Variants in TMIGD3 observed in about 807,000 individuals in gnomAD.
The protein encoded by TMIGD3 is AD026 protein (AD026).
TMIGD3 carries 21 observed loss-of-function variants against 28.1 expected under a neutral mutation model. The observed-to-expected ratio is 0.75, with a 90% confidence interval of 0.53 to 1.08. The LOEUF (loss-of-function observed/expected upper bound fraction) is 1.08, where lower values mean the gene tolerates loss of function less well. TMIGD3 is among the 50% of genes least tolerant of loss of function. TMIGD3 has a pLI of 0.00. For synonymous variants in TMIGD3, 151 were observed against 162.1 expected, an observed-to-expected ratio of 0.93 and a Z score of 0.52; for missense variants, 416 against 435.6, an observed-to-expected ratio of 0.96 and a Z score of 0.40.
chr1:111,546,852 T>G (rs1336321339), intron 1 of TMIGD3, among the ~76,000 whole-genome samples: 1 of 152,180 alleles, frequency 6.6e-6, no homozygotes, highest in Non-Finnish European at 1.5e-5. Context: ...GTCATATTGG[T>G]TTTCACAGTG....
chr1:111,496,123 A>T (rs1654878753), intron 1 of TMIGD3, among the ~76,000 whole-genome samples: 1 of 152,210 alleles, frequency 6.6e-6, no homozygotes, highest in Non-Finnish European at 1.5e-5. Context: ...TATATGGCAA[A>T]CCTGCACAGG....
chr1:111,498,238 C>T (rs1343146756), intron 1 of TMIGD3, among the ~76,000 whole-genome samples: 1 of 152,214 alleles, frequency 6.6e-6, no homozygotes, highest in East Asian at 1.9e-4. Flanking sequence ...GATACGCTTA[C>T]CCACTTTGAT....
chr1:111,545,671 T>C (rs569856739), intron 1 of TMIGD3, among the ~76,000 whole-genome samples: 1 of 152,174 alleles, frequency 6.6e-6, no homozygotes, highest in Non-Finnish European at 1.5e-5. Flanking sequence ...TTGTGCTTTT[T>C]GTGTCATATT....
chr1:111,534,687 C>G (rs1656581822), intron 1 of TMIGD3, among the ~76,000 whole-genome samples: 1 of 152,102 alleles, frequency 6.6e-6, no homozygotes, highest in African/African-American at 2.4e-5. Flanking sequence ...AAAGGAGCCT[C>G]TGGGAGCACA....
chr1:111,549,057 A>G (rs906141191), intron 1 of TMIGD3, among the ~76,000 whole-genome samples: 8 of 152,190 alleles, frequency 5.3e-5, no homozygotes, highest in African/African-American at 1.9e-4. Context: ...AATCATTTTC[A>G]TATGCTACTG....
intron 1 of TMIGD3, chr1:111,501,256 A>G (rs1231333145): frequency 6.6e-6 from 1 of 152,376 alleles, no homozygotes; most frequent in African/African-American, 2.4e-5. Context: ...GAGTTAAATG[A>G]ATCAATGAAG....
chr1:111,526,408 T>G (rs949150863), intron 1 of TMIGD3, among the ~76,000 whole-genome samples: 1 of 152,206 alleles, frequency 6.6e-6, no homozygotes, highest in African/African-American at 2.4e-5. Flanking sequence ...CTCTCATTCT[T>G]CTCTCTCCTG....
At chr1:111,562,112 T>C (rs1657764838) in intron 1 of TMIGD3, among the ~76,000 whole-genome samples, 1 of 152,200 alleles carries the variant, frequency 6.6e-6, no homozygotes, top group Admixed American at 6.5e-5. Context: ...TCTTTGCTTG[T>C]GCCATTTCTT....
chr1:111,484,491 G>A (rs913981870), intron 5 of TMIGD3, among the ~76,000 whole-genome samples: 3 of 152,180 alleles, frequency 2.0e-5, no homozygotes, highest in Admixed American at 2.0e-4. Flanking sequence ...GGCTGGTCTT[G>A]GGCAGACCTG....
chr1:111,506,248 C>G (rs1050467460), upstream of TMIGD3, among the ~76,000 whole-genome samples: 2 of 152,216 alleles, frequency 1.3e-5, no homozygotes, highest in Admixed American at 6.5e-5. Context: ...CCTGGCAGAT[C>G]ATGGGTGCTC....
intron 1 of TMIGD3, chr1:111,500,097 C>G (rs1655086773): frequency 1.2e-6 from 2 of 1,614,020 alleles, no homozygotes; most frequent in Admixed American, 1.7e-5. Context: ...TGGCATGGGA[C>G]AGCAGGATGC....
At chr1:111,502,905 C>T in intron 1 of TMIGD3, 100 bp downstream of exon 1, 1 of 1,443,842 alleles carries the variant, frequency 6.9e-7, no homozygotes, top group South Asian at 1.4e-5. Flanking sequence ...ACATCAAGGG[C>T]CAATTTGGAT....
chr1:111,487,815 A>T (rs1019018578), intron 3 of TMIGD3, among the ~76,000 whole-genome samples: 1 of 152,080 alleles, frequency 6.6e-6, no homozygotes, highest in Non-Finnish European at 1.5e-5. Flanking sequence ...TATTATTATT[A>T]TTTTTTGAGA....
chr1:111,514,768 T>C (rs1216074868), intron 1 of TMIGD3, among the ~76,000 whole-genome samples: 2 of 151,970 alleles, frequency 1.3e-5, no homozygotes, highest in African/African-American at 4.8e-5. Flanking sequence ...AACACAATAA[T>C]GGTAACACTC....
At chr1:111,536,829 T>C (rs1217670005) in intron 1 of TMIGD3, among the ~76,000 whole-genome samples, 3 of 152,116 alleles carry the variant, frequency 2.0e-5, no homozygotes, top group Non-Finnish European at 4.4e-5. Context: ...TCTCCAATCC[T>C]TCATTCATCC....
intron 1 of TMIGD3, among the ~76,000 whole-genome samples, chr1:111,546,166 G>A (rs946757038): frequency 6.6e-6 from 1 of 152,130 alleles, no homozygotes; most frequent in Admixed American, 6.5e-5. Context: ...CAAGGAGGCA[G>A]TTTGAATTTT....
At chr1:111,507,704 C>T (rs552292703), upstream of TMIGD3, among the ~76,000 whole-genome samples, 7 of 152,340 alleles carry the variant, frequency 4.6e-5, no homozygotes, top group African/African-American at 1.7e-4. Flanking sequence ...TGTCTCCCAC[C>T]CCACGGCTGT....
intron 1 of TMIGD3, among the ~76,000 whole-genome samples, chr1:111,547,009 A>G (rs1399322771): frequency 1.3e-5 from 2 of 152,054 alleles, no homozygotes; most frequent in African/African-American, 4.8e-5. Flanking sequence ...ATGCCCAAGG[A>G]TTGTGTTCTT....
At chr1:111,502,110 TATAATAAATATATAGGATATATATTTAA>T in intron 1 of TMIGD3, among the ~76,000 whole-genome samples, 1 of 21,014 alleles carries the variant, frequency 4.8e-5, no homozygotes, top group African/African-American at 8.8e-5. Context: ...ATATATTTAA[TATAATAAATATATAGGATATATATTTAA>T]TATAATAAAT....
Sources: allele counts gnomAD v4.1 joint callset (sites outside exome capture counted in the v4.1 genomes callset), GRCh38; gene constraint gnomAD v4.1.1; transcripts MANE v1.5; gene names NCBI Gene and HGNC (gene_info 2026-07-23, HGNC 2026-07-21).